The following ROS1 variants were observed in gnomAD, a reference collection of about 807,000 sequenced individuals.
The protein encoded by ROS1 is proto-oncogene tyrosine-protein kinase ROS.
In ROS1, 263 loss-of-function variants were observed where a neutral mutation model predicts 273.5. That is an observed-to-expected ratio of 0.96 (90% confidence interval 0.87 to 1.06). The LOEUF (loss-of-function observed/expected upper bound fraction) is 1.06. Among genes scored for constraint, ROS1 ranks in the 50% least tolerant of loss-of-function variants. The pLI is 0.00. For missense variants in ROS1, 2,833 were observed against 2,751.1 expected (o/e 1.03, Z -0.67); for synonymous variants, 1,008 against 954.1 (o/e 1.06, Z -1.04).
rs1171665537 is a variant in ROS1 at position 117,394,189 on chromosome 6, T to C, written c.1164A>G (p.Gln388=). 1 of 1,594,590 alleles carries C rather than the reference T, an allele frequency of 6.3e-7. No homozygotes were observed. Among genetic ancestry groups the C allele is most frequent in the Non-Finnish European group, 8.5e-7 (1 of 1,171,968 alleles). The change falls in exon 11 of 44, where the codon CAA becomes CAG. Residue 388 remains glutamine (Q), a synonymous_variant. Transcript: ENST00000368507. ...ISSISIDWLY[Q]RMYFIMDELV... is the part of the protein sequence containing the mutation. ...GTTCATCCATGATGAAATACATTCT[T>C]TGATAAAGCCAATCTATGGAGATAG...
chr6:117,395,785 A>G (rs1424042661), intron 9 of ROS1, among the ~76,000 whole-genome samples: 3 of 152,122 alleles, frequency 2.0e-5, no homozygotes, highest in Non-Finnish European at 2.9e-5. Context: ...TTTAAAAACA[A>G]AGATACTGGA....
At chr6:117,305,649 A>G (rs1181983965) in intron 42 of ROS1, among the ~76,000 whole-genome samples, 1 of 152,216 alleles carries the variant, frequency 6.6e-6, no homozygotes, top group Non-Finnish European at 1.5e-5. Flanking sequence ...TAAAGAATAA[A>G]ACTTCGGTTC....
At chr6:117,380,826 A>G (rs966647907) in intron 17 of ROS1, among the ~76,000 whole-genome samples, 4 of 152,124 alleles carry the variant, frequency 2.6e-5, no homozygotes, top group Non-Finnish European at 5.9e-5. Context: ...ATATGCTGTG[A>G]GTTGAGCTCA....
chr6:117,374,523 C>T (rs1419684994), intron 18 of ROS1, among the ~76,000 whole-genome samples: 1 of 152,210 alleles, frequency 6.6e-6, no homozygotes, highest in South Asian at 2.1e-4. Context: ...CTTAACAATT[C>T]TAGAAGATAA....
At position 117,337,348 on chromosome 6, in the gene ROS1, A is replaced by G. The variant is rs1329022808; in HGVS notation, c.5062-8T>C. The G allele has an allele frequency of 6.3e-7, 1 of 1,587,274 alleles. No homozygotes were observed. Among genetic ancestry groups the G allele is most frequent in the Admixed American group, 1.9e-5 (1 of 53,248 alleles). ...AAACTCATTGTATTTCCACTAGAAA[A>G]AGAAGTCTCGATTAATATTTTTGTT... is the stretch of plus-strand genomic sequence containing the variant. On this transcript the variant is annotated splice_region_variant and splice_polypyrimidine_tract_variant and intron_variant, in intron 31 of 43. Transcript: ENST00000368507.
intron 31 of ROS1, 149 bp from the exon 32 acceptor site, chr6:117,337,489 T>TA (rs1777569178): frequency 3.3e-6 from 2 of 613,098 alleles, no homozygotes; most frequent in Middle Eastern, 9.1e-4. Context: ...ATCCCAAACA[T>TA]TACCCCACTG....
chr6:117,302,379 T>A (rs1655879630), intron 42 of ROS1, among the ~76,000 whole-genome samples: 1 of 152,144 alleles, frequency 6.6e-6, no homozygotes, highest in Admixed American at 6.5e-5. Context: ...AGAGGCATGG[T>A]GAAGAATCCT....
chr6:117,403,320 A>T, intron 6 of ROS1, 43 bp from the exon 7 acceptor site: 1 of 1,590,960 alleles, frequency 6.3e-7, no homozygotes, highest in Non-Finnish European at 8.6e-7. Context: ...TAGAATCAGC[A>T]CCCCACATTG....
chr6:117,342,627 C>A, intron 28 of ROS1, 83 bp from the exon 29 acceptor site: 1 of 939,712 alleles, frequency 1.1e-6, no homozygotes. Flanking sequence ...AAAGAGAGAA[C>A]AAAGTTAAAG....
chr6:117,422,300 C>G (rs115353939), intron 1 of ROS1, among the ~76,000 whole-genome samples: 5 of 152,146 alleles, frequency 3.3e-5, no homozygotes, highest in Non-Finnish European at 7.3e-5. Context: ...CATGAGCCAT[C>G]GCACTTAACC....
chr6:117,360,090 C>A, intron 23 of ROS1, 79 bp from the exon 24 acceptor site: 1 of 1,199,922 alleles, frequency 8.3e-7, no homozygotes, highest in Non-Finnish European at 1.2e-6. Context: ...TAATATCTGG[C>A]AGTTTTGAAG....
intron 7 of ROS1, among the ~76,000 whole-genome samples, chr6:117,399,913 T>C (rs1351690981): frequency 6.6e-6 from 1 of 152,262 alleles, no homozygotes; most frequent in African/African-American, 2.4e-5. Context: ...AAATTCTCTT[T>C]TTGAGAAGCA....
rs1195258353 is a variant in ROS1 at position 117,289,872 on chromosome 6, T to C, written c.6716-1070A>G. Among the ~76,000 whole-genome samples, 9 of 152,286 alleles carry C rather than the reference T, an allele frequency of 5.9e-5. No homozygotes were observed. In the South Asian group the frequency reaches 6.2e-4, roughly 11 times the overall value. ...ATTCAACTGTTATGATTATTGCCAATATGCACTAATAGTCATTAAGATGCC... is the reference window on the plus strand; with the variant it reads ...ATTCAACTGTTATGATTATTGCCAACATGCACTAATAGTCATTAAGATGCC... On this transcript the variant is annotated intron_variant, in intron 43 of 43. Transcript: ENST00000368507.
At chr6:117,320,464 A>G (rs780967080) in intron 36 of ROS1, among the ~76,000 whole-genome samples, 2 of 152,164 alleles carry the variant, frequency 1.3e-5, no homozygotes, top group African/African-American at 2.4e-5. Context: ...AACAAAATTT[A>G]CTATGACCAA....
In ROS1 at chr6:117,342,527, T is replaced by C. The variant is rs1778028516; in HGVS notation, c.4524A>G (p.Ile1508Met). 6.5e-7 allele frequency: 1 copy of C among 1,539,332 alleles called. No homozygotes were observed. Among genetic ancestry groups the C allele is most frequent in the African/African-American group, 1.4e-5 (1 of 71,430 alleles). ...ATGGTTGTAAATCTTCAATAAGAGC[T>C]ATACTGTCCTGAAATTCCTGTAATT... ...KYRILEFQDSIALIEDLQPFS... is the reference protein window; with the variant it reads ...KYRILEFQDSMALIEDLQPFS... Residue 1508 changes from isoleucine to methionine, a missense_variant, in exon 29 of 44, where the codon ATA becomes ATG. Transcript: ENST00000368507.
chr6:117,334,921 A>G (rs1271410914), intron 32 of ROS1, among the ~76,000 whole-genome samples: 1 of 152,248 alleles, frequency 6.6e-6, no homozygotes, highest in Non-Finnish European at 1.5e-5. Flanking sequence ...CATTCAGGAC[A>G]TAGGCATGGG....
intron 17 of ROS1, among the ~76,000 whole-genome samples, chr6:117,380,507 T>TG (rs1008639872): frequency 1.3e-5 from 2 of 151,954 alleles, no homozygotes; most frequent in African/African-American, 4.8e-5. Flanking sequence ...GATTTTTTTT[T>TG]TTCAGTTAAA....
At chr6:117,326,835 C>T (rs767504835) in intron 33 of ROS1, among the ~76,000 whole-genome samples, 4 of 152,098 alleles carry the variant, frequency 2.6e-5, no homozygotes, top group Admixed American at 2.0e-4. Context: ...ATACAGAATA[C>T]AAAATTGATA....
chr6:117,340,931 C>CT (rs1204913720), intron 31 of ROS1, among the ~76,000 whole-genome samples: 13 of 152,002 alleles, frequency 8.6e-5, no homozygotes, highest in Non-Finnish European at 2.9e-5. Context: ...TACATAAAGC[C>CT]TTTTAAAAGC....
Sources: allele counts gnomAD v4.1 joint callset (sites outside exome capture counted in the v4.1 genomes callset), GRCh38; gene constraint gnomAD v4.1.1; transcripts MANE v1.5; gene names NCBI Gene and HGNC (gene_info 2026-07-23, HGNC 2026-07-21).